ERBB4: variants seen among roughly 807,000 people sequenced by gnomAD.
The protein encoded by ERBB4 is receptor tyrosine-protein kinase erbB-4.
In ERBB4, 42 loss-of-function variants were observed where a neutral mutation model predicts 158.0. That is an observed-to-expected ratio of 0.27 (90% CI 0.21 to 0.34). The LOEUF is 0.34. ERBB4 is among the 10% of genes least tolerant of loss of function. The pLI, the probability that ERBB4 is intolerant of heterozygous loss-of-function variation, is 1.00. For missense variants in ERBB4, 1,333 were observed against 1,624.1 expected (o/e 0.82, Z 3.08); for synonymous variants, 583 against 558.7 (o/e 1.04, Z -0.61).
chr2:211,931,089 G>GT (rs1336193880), intron 3 of ERBB4, among the ~76,000 whole-genome samples: 1 of 152,030 alleles, frequency 6.6e-6, no homozygotes, highest in Non-Finnish European at 1.5e-5. Flanking sequence ...TTAAAGGCTT[G>GT]GCACCACTGT....
intron 1 of ERBB4, among the ~76,000 whole-genome samples, chr2:212,315,624 T>A (rs978739373): frequency 2.0e-5 from 3 of 151,444 alleles, no homozygotes; most frequent in Non-Finnish European, 4.4e-5. Context: ...TTTCCGGAGC[T>A]ATACAAATAT....
chr2:211,947,685 A>G (rs2080741632), intron 2 of ERBB4, 69 bp from the exon 3 acceptor site: 52 of 1,310,506 alleles, frequency 4.0e-5, no homozygotes, highest in Non-Finnish European at 5.5e-5. Context: ...AGCAATTTAG[A>G]TTAAAATGAG....
intron 19 of ERBB4, among the ~76,000 whole-genome samples, chr2:211,571,038 C>CT (rs2067711231): frequency 5.1e-5 from 3 of 58,732 alleles, no homozygotes; most frequent in East Asian, 4.8e-4. Context: ...GAGTACTCTT[C>CT]TTCTTTTTTT....
chr2:211,754,652 C>A (rs1324086327), intron 4 of ERBB4, among the ~76,000 whole-genome samples: 1 of 150,254 alleles, frequency 6.7e-6, no homozygotes, highest in Non-Finnish European at 1.5e-5. Context: ...CATGATCCAC[C>A]CATCTAGGCC....
chr2:211,480,889 G>C (rs2065066137), intron 20 of ERBB4, among the ~76,000 whole-genome samples: 1 of 152,114 alleles, frequency 6.6e-6, no homozygotes, highest in Non-Finnish European at 1.5e-5. Flanking sequence ...CTGCAAACTA[G>C]TTTTTATTTG....
chr2:212,015,503 AC>A (rs2076508760), intron 2 of ERBB4, among the ~76,000 whole-genome samples: 1 of 151,808 alleles, frequency 6.6e-6, no homozygotes, highest in African/African-American at 2.4e-5. Context: ...TGTGCCTGGG[AC>A]CTGTTTCTCT....
intron 20 of ERBB4, among the ~76,000 whole-genome samples, chr2:211,495,153 C>T (rs1408595365): frequency 1.3e-5 from 2 of 151,662 alleles, no homozygotes; most frequent in African/African-American, 4.8e-5. Flanking sequence ...ACTTATTGGA[C>T]AAGGAGTAAG....
chr2:211,524,228 G>C (rs1429889318), intron 20 of ERBB4, among the ~76,000 whole-genome samples: 1 of 152,170 alleles, frequency 6.6e-6, no homozygotes. Flanking sequence ...GCTAAATACA[G>C]GGTGCTGATT....
intron 4 of ERBB4, among the ~76,000 whole-genome samples, chr2:211,753,764 T>TA (rs1559487682): frequency 6.8e-6 from 1 of 148,020 alleles, no homozygotes; most frequent in African/African-American, 2.5e-5. Flanking sequence ...ATATATATAT[T>TA]ATACATATAT....
chr2:211,802,956 T>G (rs1369910963), intron 3 of ERBB4, among the ~76,000 whole-genome samples: 1 of 152,240 alleles, frequency 6.6e-6, no homozygotes, highest in Non-Finnish European at 1.5e-5. Context: ...TCACAAGATT[T>G]CTAATTACAG....
At chr2:212,070,375 A>G (rs2078077473) in intron 2 of ERBB4, among the ~76,000 whole-genome samples, 1 of 152,118 alleles carries the variant, frequency 6.6e-6, no homozygotes, top group African/African-American at 2.4e-5. Context: ...CTGAAATTCA[A>G]GAAATACAGA....
chr2:211,554,491 G>A (rs1350319382), intron 20 of ERBB4, among the ~76,000 whole-genome samples: 1 of 152,224 alleles, frequency 6.6e-6, no homozygotes, highest in Non-Finnish European at 1.5e-5. Flanking sequence ...CAGTGCTGGA[G>A]AGGAAGTGGG....
intron 2 of ERBB4, among the ~76,000 whole-genome samples, chr2:211,958,907 ATTCTCTTAGGTGCC>A (rs148338053): frequency 0.24 from 36,130 of 151,866 alleles, 5,810 homozygotes; most frequent in Non-Finnish European, 0.36. Context: ...CAAAATCAGC[ATTCTCTTAGGTGCC>A]TTCTCTTAGG....
rs1322014471 is a variant in ERBB4 at position 211,379,675 on chromosome 2, A to G, written c.*3940T>C. On this transcript the variant is annotated 3_prime_UTR_variant, in exon 28 of 28. Coordinates refer to ENST00000342788, the MANE Select transcript of ERBB4 (RefSeq NM_005235.3). ...AACTAAATCTACATCTTATAGCATT[A>G]TCGTGGTTCTGTCCAGTTATATACA... 1 of 231,688 alleles carries G rather than the reference A, an allele frequency of 4.3e-6. No homozygotes were observed. Among genetic ancestry groups the G allele is most frequent in the Non-Finnish European group, 8.5e-6 (1 of 117,186 alleles). 14.4% of individuals were successfully genotyped at this position (231,688 alleles called of 1,614,324 possible). A position where few individuals can be genotyped will look rare whatever the true frequency, so the allele number is the denominator to read the frequency against.
rs143314380 is a variant in ERBB4 at position 212,101,350 on chromosome 2, C to CATATATATATATATACAT, written c.234+23401_234+23402insATGTATATATATATATAT. On this transcript the variant is annotated intron_variant, in intron 2 of 27. Coordinates refer to ENST00000342788, the MANE Select transcript of ERBB4 (RefSeq NM_005235.3). ...AATACAAACACACACACACCCTATA[C>CATATATATATATATACAT]ATATATATATATATATGTATATGTA... Among the ~76,000 whole-genome samples, 364 of 143,038 alleles carry CATATATATATATATACAT rather than the reference C, an allele frequency of 2.5e-3. 4 individuals are homozygous for CATATATATATATATACAT. The highest frequency in any genetic ancestry group is 6.7e-3 in the South Asian group (31 of 4,660). The allele number at this position is 143,038 out of a possible 152,430, so 93.8% of individuals were successfully genotyped here. A position where few individuals can be genotyped will look rare whatever the true frequency, so the allele number is the denominator to read the frequency against.
Position 211,845,501 on chromosome 2 carries a change from A to G in ERBB4, c.422-57342T>C, listed in dbSNP as rs191486893. Among the ~76,000 whole-genome samples, 520 of 152,278 alleles carry G rather than the reference A, an allele frequency of 3.4e-3. 3 individuals are homozygous for G. Among genetic ancestry groups the G allele is most frequent in the Non-Finnish European group, 5.9e-3 (402 of 68,014 alleles). On this transcript the variant is annotated intron_variant, in intron 3 of 27. Coordinates refer to ENST00000342788, the MANE Select transcript of ERBB4 (RefSeq NM_005235.3). The stretch of plus-strand genomic sequence containing the variant: ...CCAGCAGCCAGCTAACACAGTTAGC[A>G]GTGGCTTCAGACCTCTCAGGGGATC...
rs555334678 is a variant in ERBB4 at position 212,080,759 on chromosome 2, A to G, written c.234+43993T>C. 4.9e-4 allele frequency among the ~76,000 whole-genome samples: 74 copies of G among 151,752 alleles called. No individual in the cohort carries two copies. In the South Asian group the frequency reaches 0.015, roughly 30 times the overall value. On this transcript the variant is annotated intron_variant, in intron 2 of 27. Transcript: ENST00000342788. ...AAGCTTTTTAGAAATTGCTTTCAAC[A>G]TTTCTTTTTAATTTGTGAAACTATT...
chr2:212,095,330 A>C (rs1160639469), intron 2 of ERBB4, among the ~76,000 whole-genome samples: 1 of 152,212 alleles, frequency 6.6e-6, no homozygotes, highest in Non-Finnish European at 1.5e-5. Context: ...GCTATATGCC[A>C]AGCTTTCTCC....
intron 3 of ERBB4, among the ~76,000 whole-genome samples, chr2:211,882,767 T>C (rs138823274): frequency 9.4e-4 from 143 of 152,322 alleles, no homozygotes; most frequent in Non-Finnish European, 1.8e-3. Flanking sequence ...AGGCTTATAA[T>C]TGCTACACTG....
Sources: allele counts gnomAD v4.1 joint callset (sites outside exome capture counted in the v4.1 genomes callset), GRCh38; gene constraint gnomAD v4.1.1; transcripts MANE v1.5; gene names NCBI Gene and HGNC (gene_info 2026-07-23, HGNC 2026-07-21).